SLC2A1: variants seen among roughly 807,000 people sequenced by gnomAD.
SLC2A1 encodes solute carrier family 2, facilitated glucose transporter member 1.
A neutral mutation model predicts 46.6 loss-of-function variants in SLC2A1; 4 were observed. The observed-to-expected ratio is 0.09, with a 90% CI of 0.04 to 0.20. The LOEUF is 0.20. SLC2A1 is among the 10% of genes least tolerant of loss of function. The probability of loss-of-function intolerance (pLI) is 1.00; values close to 1 mark genes in which losing one functional copy is unlikely to be tolerated. For synonymous variants in SLC2A1, 253 were observed against 270.0 expected, an observed-to-expected ratio of 0.94 and a Z score of 0.62; for missense variants, 352 against 667.0, an observed-to-expected ratio of 0.53 and a Z score of 5.20.
At chr1:42,943,156 G>C in intron 2 of SLC2A1, 70 bp downstream of exon 2, 2 of 1,005,718 alleles carry the variant, frequency 2.0e-6, no homozygotes, top group Non-Finnish European at 3.1e-6. Context: ...GGTGGCGTGA[G>C]ACTGTGGGCA....
At chr1:42,942,907 T>G in intron 2 of SLC2A1, 1 of 409,102 alleles carries the variant, frequency 2.4e-6, no homozygotes, top group Non-Finnish European at 4.6e-6. Context: ...AGCATTATTG[T>G]ATTGAGCTTT....
chr1:42,938,821 G>A (rs77810525), intron 2 of SLC2A1, among the ~76,000 whole-genome samples: 2,500 of 152,236 alleles, frequency 0.016, 79 homozygotes, highest in African/African-American at 0.056. Context: ...CAAGTCCTTC[G>A]TGAAGCCCTT....
At chr1:42,934,455 A>G (rs865914299) in intron 2 of SLC2A1, among the ~76,000 whole-genome samples, 11 of 152,220 alleles carry the variant, frequency 7.2e-5, no homozygotes, top group Middle Eastern at 6.8e-3. Flanking sequence ...TGGTTTTCCA[A>G]TTCCTACTGC....
chr1:42,929,966 G>A lies in SLC2A1; in HGVS notation c.586C>T (p.Pro196Ser). The stretch of plus-strand genomic sequence containing the variant: ...AGCACGATGCACTGCAGCAGGGCCG[G>A]GATGAAGATGATGCTCAGCAGCAGG... Reference protein sequence around the residue: ...WPLLLSIIFIPALLQCIVLPF... With the variant: ...WPLLLSIIFISALLQCIVLPF... Residue 196 changes from proline (P) to serine (S), a missense_variant, in exon 5 of 10, where the codon CCG (proline) becomes TCG (serine). This residue lies in a region of SLC2A1 where 167 missense variants were observed against 280.8 expected (regional missense o/e 0.59). Transcript: ENST00000426263. The surrounding 1 kb of genome is among the most constrained non-coding windows in gnomAD (Gnocchi z 6.0). 1.2e-6 allele frequency: 2 copies of A among 1,614,184 alleles called. No homozygotes were observed. Among genetic ancestry groups the A allele is most frequent in the Non-Finnish European group, 1.7e-6 (2 of 1,180,016 alleles).
At position 42,927,112 on chromosome 1, in the gene SLC2A1, C is replaced by A. The variant is rs572648977; in HGVS notation, c.1408G>T (p.Gly470Trp). Residue 470 changes from glycine to tryptophan, a missense_variant, in exon 10 of 10, where the codon GGG becomes TGG. Around this residue, in one of 5 missense-constraint regions of SLC2A1, gnomAD observed 41 missense variants for 49.1 expected, o/e 0.83. Coordinates refer to ENST00000426263, the MANE Select transcript of SLC2A1 (RefSeq NM_006516.4). This position sits in a 1 kb window ranked among gnomAD's most constrained non-coding sequence, Gnocchi z 5.3. ...GTCTTGTCACTTTGGCTGGCTCCCC[C>A]CTGCCGGAAGCCGGAAGCGATCTCA... ...FDEIASGFRQGGASQSDKTPE... is the reference protein window; with the variant it reads ...FDEIASGFRQWGASQSDKTPE... 35 of 1,614,178 alleles carry A rather than the reference C, an allele frequency of 2.2e-5. 1 individual carries two copies. Among genetic ancestry groups the A allele is most frequent in the Middle Eastern group, 3.3e-4 (2 of 6,062 alleles).
chr1:42,955,536 G>C (rs1643763389), intron 1 of SLC2A1, among the ~76,000 whole-genome samples: 2 of 152,164 alleles, frequency 1.3e-5, no homozygotes, highest in African/African-American at 2.4e-5. Flanking sequence ...CTTGAGCCTG[G>C]GAGGTAGAGG....
In SLC2A1 at chr1:42,936,360, T is replaced by C. The variant is rs114600670; in HGVS notation, c.115-5154A>G. On this transcript the variant is annotated intron_variant, in intron 2 of 9. Coordinates refer to ENST00000426263, the MANE Select transcript of SLC2A1 (RefSeq NM_006516.4). Reference sequence around the variant, plus strand: ...TTCCTTGCCTGCCCCTGTCTTCCAGTTGGGGCTGGCCCCACACTGCCCTTC... The same window carrying C: ...TTCCTTGCCTGCCCCTGTCTTCCAGCTGGGGCTGGCCCCACACTGCCCTTC... 6.0e-3 allele frequency among the ~76,000 whole-genome samples: 921 copies of C among 152,310 alleles called. 5 individuals are homozygous for C. Among genetic ancestry groups the C allele is most frequent in the Non-Finnish European group, 0.01 (700 of 68,000 alleles).
At chr1:42,947,367 C>G (rs976777927) in intron 1 of SLC2A1, among the ~76,000 whole-genome samples, 7 of 152,092 alleles carry the variant, frequency 4.6e-5, no homozygotes, top group Admixed American at 3.9e-4. Context: ...CTCTTCCAGG[C>G]CTTTGCTCTT....
At chr1:42,950,336 A>G (rs1277058123) in intron 1 of SLC2A1, among the ~76,000 whole-genome samples, 1 of 152,254 alleles carries the variant, frequency 6.6e-6, no homozygotes, top group East Asian at 1.9e-4. Flanking sequence ...TTTAGAAAAA[A>G]GTTGATCGGC....
intron 2 of SLC2A1, among the ~76,000 whole-genome samples, chr1:42,941,264 C>T (rs1046329236): frequency 2.0e-5 from 3 of 152,156 alleles, no homozygotes; most frequent in Admixed American, 6.5e-5. Context: ...TAGCTGGGCC[C>T]CCGTGCTGGT....
At chr1:42,945,738 C>CAAAA (rs1166067644) in intron 1 of SLC2A1, among the ~76,000 whole-genome samples, 2 of 115,480 alleles carry the variant, frequency 1.7e-5, no homozygotes, top group South Asian at 2.7e-4. Flanking sequence ...GACTCTGTCT[C>CAAAA]AAAAAAAAAA....
intron 1 of SLC2A1, among the ~76,000 whole-genome samples, chr1:42,945,151 T>C (rs1421956311): frequency 1.3e-5 from 2 of 151,968 alleles, no homozygotes; most frequent in South Asian, 2.1e-4. Flanking sequence ...GCCTGCGGTA[T>C]TACCTGCATT....
chr1:42,958,725 G>C lies in SLC2A1; in HGVS notation c.-74C>G. ...ACGGGCGTGCGAGCGGCGCTCTCCC[G>C]CTCAGGCTCGTGCTCCGGTCCGGGG... On this transcript the variant is annotated 5_prime_UTR_variant, in exon 1 of 10. Coordinates refer to ENST00000426263, the MANE Select transcript of SLC2A1 (RefSeq NM_006516.4). 2 of 1,465,296 alleles carry C rather than the reference G, an allele frequency of 1.4e-6. No homozygotes were observed. 90.8% of individuals were successfully genotyped at this position (1,465,296 alleles called of 1,614,324 possible).
At chr1:42,953,526 G>A (rs1643743463) in intron 1 of SLC2A1, among the ~76,000 whole-genome samples, 1 of 152,246 alleles carries the variant, frequency 6.6e-6, no homozygotes, top group Non-Finnish European at 1.5e-5. Context: ...TCGGTTACCA[G>A]ACTGCAGACT....
chr1:42,926,650 T>C lies in SLC2A1; in HGVS notation c.*391A>G, dbSNP rs1643429223. 8.0e-7 allele frequency: 1 copy of C among 1,253,546 alleles called. No homozygotes were observed. The highest frequency in any genetic ancestry group is 1.0e-6 in the Non-Finnish European group (1 of 955,544). 77.7% of individuals were successfully genotyped at this position (1,253,546 alleles called of 1,614,324 possible). A position where few individuals can be genotyped will look rare whatever the true frequency, so the allele number is the denominator to read the frequency against. ...GTTCGATTAGTGTGTCCTTAGGACA[T>C]AGGTCCAGCCCTACAGATTAGCTGG... On this transcript the variant is annotated 3_prime_UTR_variant, in exon 10 of 10. Coordinates refer to ENST00000426263, the MANE Select transcript of SLC2A1 (RefSeq NM_006516.4).
chr1:42,932,070 T>C (rs1643496681), intron 2 of SLC2A1, among the ~76,000 whole-genome samples: 2 of 152,144 alleles, frequency 1.3e-5, no homozygotes, highest in South Asian at 2.1e-4. Context: ...TCAGAAGTGC[T>C]TGAAAGACTC....
Position 42,927,460 on chromosome 1 carries a change from T to G in SLC2A1, c.1278+145A>C. The G allele has an allele frequency of 2.3e-6, 2 of 878,412 alleles. No individual in the cohort carries two copies. The highest frequency in any genetic ancestry group is 2.9e-5 in the South Asian group (2 of 69,058). 54.4% of individuals were successfully genotyped at this position (878,412 alleles called of 1,614,324 possible). A position where few individuals can be genotyped will look rare whatever the true frequency, so the allele number is the denominator to read the frequency against. On this transcript the variant is annotated intron_variant, in intron 9 of 9. Coordinates refer to ENST00000426263, the MANE Select transcript of SLC2A1 (RefSeq NM_006516.4). The surrounding 1 kb of genome is among the most constrained non-coding windows in gnomAD (Gnocchi z 5.3). ...TAAGGGGAGAACCCTGGAGTTGAGG[T>G]CAGCATTCTTGGTCATGTGACCTGG...
At position 42,929,263 on chromosome 1, in the gene SLC2A1, C is replaced by T. The variant is rs1253340181; in HGVS notation, c.919G>A (p.Val307Met). 6.2e-7 allele frequency: 1 copy of T among 1,613,976 alleles called. No individual in the cohort carries two copies. Among genetic ancestry groups the T allele is most frequent in the Non-Finnish European group, 8.5e-7 (1 of 1,179,986 alleles). The change falls in exon 7 of 10, where the codon GTG (valine) becomes ATG (methionine). Residue 307 changes from valine (V) to methionine (M), a missense_variant. This residue lies in a region of SLC2A1 where 167 missense variants were observed against 280.8 expected (regional missense o/e 0.59). Coordinates refer to ENST00000426263, the MANE Select transcript of SLC2A1 (RefSeq NM_006516.4). This position sits in a 1 kb window ranked among gnomAD's most constrained non-coding sequence, Gnocchi z 6.0. Reference protein sequence around the residue: ...IFEKAGVQQPVYATIGSGIVN... With the variant: ...IFEKAGVQQPMYATIGSGIVN... ...ATACCGGAGCCAATGGTGGCATACA[C>T]AGGCTGCTGCACCCCCGCCTTCTCG...
Position 42,929,978 on chromosome 1 carries a change from T to C in SLC2A1, c.574A>G (p.Ile192Val), listed in dbSNP as rs746393667. Residue 192 changes from isoleucine to valine, a missense_variant, in exon 5 of 10, where the codon ATC (isoleucine) becomes GTC (valine). By Grantham distance (29) the Ile-to-Val change is conservative. Around this residue, in one of 5 missense-constraint regions of SLC2A1, gnomAD observed 167 missense variants for 280.8 expected, o/e 0.59. Coordinates refer to ENST00000426263, the MANE Select transcript of SLC2A1 (RefSeq NM_006516.4). This position sits in a 1 kb window ranked among gnomAD's most constrained non-coding sequence, Gnocchi z 6.0. ...NKDLWPLLLSIIFIPALLQCI... is the reference protein window; with the variant it reads ...NKDLWPLLLSVIFIPALLQCI... Reference sequence around the variant, plus strand: ...TGCAGCAGGGCCGGGATGAAGATGATGCTCAGCAGCAGGGGCCACAGGTCC... The same window carrying C: ...TGCAGCAGGGCCGGGATGAAGATGACGCTCAGCAGCAGGGGCCACAGGTCC... 1 of 1,614,090 alleles carries C rather than the reference T, an allele frequency of 6.2e-7. No homozygotes were observed. Among genetic ancestry groups the C allele is most frequent in the Non-Finnish European group, 8.5e-7 (1 of 1,180,000 alleles).
Sources: allele counts gnomAD v4.1 joint callset (sites outside exome capture counted in the v4.1 genomes callset), GRCh38; gene constraint gnomAD v4.1.1; regional missense constraint gnomAD v4.1.1; non-coding constraint Gnocchi (gnomAD v3.1); transcripts MANE v1.5; gene names NCBI Gene and HGNC (gene_info 2026-07-23, HGNC 2026-07-21).